Variants in SGCD observed in about 807,000 individuals in gnomAD.
SGCD encodes the protein delta-sarcoglycan.
In SGCD, 18 loss-of-function variants were observed where a neutral mutation model predicts 36.6. The ratio of observed to expected loss-of-function variants is 0.49; its 90% confidence interval spans 0.34 to 0.73. SGCD has a LOEUF of 0.73. SGCD is among the 30% of genes least tolerant of loss of function. The pLI, the probability that SGCD is intolerant of heterozygous loss-of-function variation, is 0.01. For missense variants in SGCD, 387 were observed against 346.7 expected (o/e 1.12, Z -0.92); for synonymous variants, 133 against 130.6 (o/e 1.02, Z -0.12).
chr5:156,097,328 A>G lies in SGCD; in HGVS notation c.-281-20550A>G, dbSNP rs114065215. ...TTTCCCCTCTCCTTCTAGGAGTTCA[A>G]CGATACAAAATTGAATCTTTTATTA... On this transcript the variant is annotated intron_variant, in intron 1 of 9. Transcript: ENST00000517913. Among the ~76,000 whole-genome samples the G allele has an allele frequency of 4.9e-3, 749 of 152,168 alleles. 9 individuals carry two copies. The highest frequency in any genetic ancestry group is 0.017 in the African/African-American group (709 of 41,524).
intron 1 of SGCD, among the ~76,000 whole-genome samples, chr5:156,009,480 A>G (rs1312431215): frequency 6.6e-6 from 1 of 152,090 alleles, no homozygotes; most frequent in East Asian, 1.9e-4. Flanking sequence ...TTAGCCTGCT[A>G]TTTCAGATTG....
chr5:156,683,047 A>G (rs1207406403), intron 7 of SGCD, among the ~76,000 whole-genome samples: 11 of 152,216 alleles, frequency 7.2e-5, no homozygotes, highest in African/African-American at 2.7e-4. Flanking sequence ...AGGGAAAGGC[A>G]TGATTTCACT....
chr5:156,746,439 A>G (rs1413145425), intron 7 of SGCD, among the ~76,000 whole-genome samples: 1 of 152,214 alleles, frequency 6.6e-6, no homozygotes, highest in African/African-American at 2.4e-5. Context: ...AGAGTTAAAT[A>G]CGTAGACATA....
At chr5:156,392,022 A>G (rs561074976) in intron 3 of SGCD, among the ~76,000 whole-genome samples, 31 of 152,348 alleles carry the variant, frequency 2.0e-4, no homozygotes, top group Non-Finnish European at 3.4e-4. Flanking sequence ...TTCTTTTAGC[A>G]CTACGTATAT....
chr5:156,079,019 A>G (rs1161335637), intron 1 of SGCD, among the ~76,000 whole-genome samples: 1 of 94,942 alleles, frequency 1.1e-5, no homozygotes, highest in Non-Finnish European at 2.0e-5. Context: ...GGTAATTTGT[A>G]AAAAAAAAAA....
intron 6 of SGCD, among the ~76,000 whole-genome samples, chr5:156,612,532 G>T (rs772374476): frequency 1.3e-5 from 2 of 152,258 alleles, no homozygotes; most frequent in Non-Finnish European, 2.9e-5. Flanking sequence ...GACTGGACAT[G>T]TGCAGGTACA....
At chr5:156,492,350 A>G (rs185794887) in intron 3 of SGCD, among the ~76,000 whole-genome samples, 10 of 152,160 alleles carry the variant, frequency 6.6e-5, no homozygotes, top group African/African-American at 2.4e-4. Context: ...AGGCTGACAA[A>G]ATCCCACATC....
chr5:156,091,754 C>T (rs748810755), intron 1 of SGCD, among the ~76,000 whole-genome samples: 2 of 152,188 alleles, frequency 1.3e-5, no homozygotes, highest in Non-Finnish European at 2.9e-5. Flanking sequence ...GCCCATTCAC[C>T]CTGCAATGAG....
intron 3 of SGCD, among the ~76,000 whole-genome samples, chr5:156,252,407 T>C (rs1171094367): frequency 6.6e-6 from 1 of 152,140 alleles, no homozygotes; most frequent in East Asian, 1.9e-4. Context: ...GTAATGTGAA[T>C]ATGTGGAATG....
At chr5:155,913,446 TTGGAACCTTTTA>T (rs545385692) in intron 1 of SGCD, among the ~76,000 whole-genome samples, 54 of 151,888 alleles carry the variant, frequency 3.6e-4, no homozygotes, top group African/African-American at 1.2e-3. Context: ...CAAGCCTCCT[TTGGAACCTTTTA>T]GGGAACCTTT....
At chr5:156,687,760 C>T (rs1179320979) in intron 7 of SGCD, among the ~76,000 whole-genome samples, 1 of 152,198 alleles carries the variant, frequency 6.6e-6, no homozygotes, top group African/African-American at 2.4e-5. Flanking sequence ...ACAAGAAAAA[C>T]ATGCCATTTA....
intron 3 of SGCD, among the ~76,000 whole-genome samples, chr5:156,248,962 A>G (rs898136011): frequency 2.6e-5 from 4 of 152,210 alleles, no homozygotes; most frequent in Non-Finnish European, 4.4e-5. Flanking sequence ...AAATTATTTA[A>G]ACCTGGAAGG....
At chr5:155,744,552 A>G in the SGCD span, among the ~76,000 whole-genome samples, 1 of 152,236 alleles carries the variant, frequency 6.6e-6, no homozygotes, top group African/African-American at 2.4e-5. Context: ...ACCATAATAA[A>G]TGATTAGGAA....
At chr5:155,728,742 G>T in the SGCD span, among the ~76,000 whole-genome samples, 1 of 151,980 alleles carries the variant, frequency 6.6e-6, no homozygotes, top group African/African-American at 2.4e-5. Flanking sequence ...CCCCAGAGCC[G>T]CCAACTTCCC....
chr5:156,123,533 A>G (rs1363483083), intron 2 of SGCD, among the ~76,000 whole-genome samples: 1 of 152,104 alleles, frequency 6.6e-6, no homozygotes, highest in Non-Finnish European at 1.5e-5. Context: ...ACACGGATTG[A>G]ACTGTGCCAC....
At chr5:156,629,534 C>T (rs1762553528) in intron 6 of SGCD, among the ~76,000 whole-genome samples, 1 of 152,186 alleles carries the variant, frequency 6.6e-6, no homozygotes, top group Non-Finnish European at 1.5e-5. Flanking sequence ...GGCAAGCCAT[C>T]ACCTTTTTAT....
rs35320814 is a variant in SGCD, at chr5:156,708,279, T to TA, written c.576-49286dup. Among the ~76,000 whole-genome samples the TA allele has an allele frequency of 1.6e-3, 242 of 149,158 alleles. 1 individual carries two copies. The highest frequency in any genetic ancestry group is 2.7e-3 in the Non-Finnish European group (179 of 67,200). On this transcript the variant is annotated intron_variant, in intron 7 of 8. Transcript: ENST00000337851. ...TTTAGTTTTAAGAAAAGCATTCTAT[T>TA]AAAAAAAAAAAAAAAAGGAAATGAA...
the SGCD span, among the ~76,000 whole-genome samples, chr5:155,830,247 G>C: frequency 6.6e-6 from 1 of 152,174 alleles, no homozygotes; most frequent in Non-Finnish European, 1.5e-5. Flanking sequence ...GTGCCAGCAG[G>C]GTGGGCTTCT....
At chr5:156,030,006 A>G (rs1236436414) in intron 1 of SGCD, among the ~76,000 whole-genome samples, 1 of 152,052 alleles carries the variant, frequency 6.6e-6, no homozygotes, top group Non-Finnish European at 1.5e-5. Flanking sequence ...TCCCACACTG[A>G]ATGGACCATG....
Sources: allele counts gnomAD v4.1 joint callset (sites outside exome capture counted in the v4.1 genomes callset), GRCh38; gene constraint gnomAD v4.1.1; transcripts MANE v1.5; gene names NCBI Gene and HGNC (gene_info 2026-07-23, HGNC 2026-07-21).